Variants in CALN1 observed in about 807,000 individuals in gnomAD.
CALN1 encodes calcium-binding protein 8.
A neutral mutation model predicts 30.6 loss-of-function variants in CALN1; 17 were observed. That is an observed-to-expected ratio of 0.56 (90% CI 0.38 to 0.83). The LOEUF (loss-of-function observed/expected upper bound fraction) is 0.83, where lower values mean the gene tolerates loss of function less well. CALN1 is among the 40% of genes least tolerant of loss of function. CALN1 has a pLI of 0.00. For missense variants in CALN1, 291 were observed against 354.9 expected (o/e 0.82, Z 1.45); for synonymous variants, 156 against 131.4 (o/e 1.19, Z -1.28).
At chr7:72,293,465 CCTCT>C (rs540365858) in intron 2 of CALN1, among the ~76,000 whole-genome samples, 1 of 152,202 alleles carries the variant, frequency 6.6e-6, no homozygotes, top group Non-Finnish European at 1.5e-5. Flanking sequence ...AATACCCCAG[CCTCT>C]CTCTTTTTCC....
intron 5 of CALN1, among the ~76,000 whole-genome samples, chr7:71,926,211 A>G (rs67522636): frequency 0.19 from 28,668 of 152,048 alleles, 2,899 homozygotes; most frequent in Non-Finnish European, 0.23. Context: ...ACACAGCTCC[A>G]TGTGTCCCCG....
intron 2 of CALN1, chr7:72,337,138 C>T (rs1802118141): frequency 2.0e-6 from 2 of 985,780 alleles, no homozygotes; most frequent in South Asian, 4.7e-5. Flanking sequence ...CGAGGCCCCG[C>T]TGGAGTTGCG....
At chr7:72,421,853 C>T (rs1470643347) in intron 1 of CALN1, among the ~76,000 whole-genome samples, 1 of 151,990 alleles carries the variant, frequency 6.6e-6, no homozygotes, top group African/African-American at 2.4e-5. Context: ...CTCCCAATAT[C>T]CCACTTATTA....
chr7:72,233,434 G>T (rs1794252473), intron 3 of CALN1, among the ~76,000 whole-genome samples: 1 of 152,120 alleles, frequency 6.6e-6, no homozygotes, highest in East Asian at 1.9e-4. Flanking sequence ...GAGAGAAAAA[G>T]GCTGGGTACA....
chr7:72,329,815 G>A (rs1223486775), intron 2 of CALN1, among the ~76,000 whole-genome samples: 5 of 151,980 alleles, frequency 3.3e-5, no homozygotes, highest in South Asian at 4.1e-4. Context: ...TTAGCTGGGC[G>A]TGGTGCCACG....
intron 2 of CALN1, among the ~76,000 whole-genome samples, chr7:72,323,013 G>A (rs1290309719): frequency 1.3e-5 from 2 of 150,702 alleles, no homozygotes; most frequent in African/African-American, 4.9e-5. Flanking sequence ...GGGGAGGGGA[G>A]GGGAAGGCAC....
intron 5 of CALN1, among the ~76,000 whole-genome samples, chr7:71,886,153 G>T (rs1792889391): frequency 6.6e-6 from 1 of 152,376 alleles, no homozygotes; most frequent in African/African-American, 2.4e-5. Context: ...AGTTTTCTCT[G>T]CTTTGAAAGG....
intron 3 of CALN1, among the ~76,000 whole-genome samples, chr7:72,118,507 A>G (rs902036256): frequency 1.4e-4 from 21 of 152,216 alleles, no homozygotes; most frequent in African/African-American, 4.8e-4. Context: ...TCTGTCCCCA[A>G]ACGTTACACC....
chr7:72,238,144 A>G (rs1420238016), intron 3 of CALN1, among the ~76,000 whole-genome samples: 1 of 152,220 alleles, frequency 6.6e-6, no homozygotes, highest in Non-Finnish European at 1.5e-5. Flanking sequence ...AAACATTGCA[A>G]TTGTTGCTCA....
At chr7:72,327,154 T>A (rs1293397994) in intron 2 of CALN1, among the ~76,000 whole-genome samples, 1 of 152,176 alleles carries the variant, frequency 6.6e-6, no homozygotes, top group Non-Finnish European at 1.5e-5. Context: ...ACTTGGGCTT[T>A]ATGTGAACAT....
intron 2 of CALN1, among the ~76,000 whole-genome samples, chr7:72,372,571 A>C (rs957612935): frequency 6.6e-6 from 1 of 152,196 alleles, no homozygotes; most frequent in Non-Finnish European, 1.5e-5. Context: ...ATTCAATCCT[A>C]ATCAATCTAT....
chr7:72,174,308 T>G (rs1295016305), intron 3 of CALN1, among the ~76,000 whole-genome samples: 1 of 152,132 alleles, frequency 6.6e-6, no homozygotes, highest in African/African-American at 2.4e-5. Context: ...TACAACTACT[T>G]TGAAACACAG....
At chr7:72,136,829 A>G (rs1184413728) in intron 3 of CALN1, among the ~76,000 whole-genome samples, 1 of 152,228 alleles carries the variant, frequency 6.6e-6, no homozygotes, top group Non-Finnish European at 1.5e-5. Flanking sequence ...CAGATAGGGA[A>G]GGGCTGGTTG....
chr7:72,497,354 C>T, the CALN1 span, among the ~76,000 whole-genome samples: 7 of 152,080 alleles, frequency 4.6e-5, no homozygotes, highest in Admixed American at 6.5e-5. Flanking sequence ...GCAGGAGAAT[C>T]GCTTGAACCT....
intron 1 of CALN1, among the ~76,000 whole-genome samples, chr7:72,419,218 T>C (rs757960092): frequency 1.3e-5 from 2 of 152,142 alleles, no homozygotes; most frequent in Admixed American, 6.5e-5. Flanking sequence ...CAAAATTCCG[T>C]GTTGCACATG....
chr7:72,149,582 G>C (rs1787058959), intron 3 of CALN1, among the ~76,000 whole-genome samples: 1 of 152,034 alleles, frequency 6.6e-6, no homozygotes, highest in Non-Finnish European at 1.5e-5. Flanking sequence ...ACCCTGATTA[G>C]CTCACCTTTC....
chr7:72,373,592 A>G lies in CALN1; in HGVS notation c.119+29659T>C, dbSNP rs78012691. On this transcript the variant is annotated intron_variant, in intron 2 of 6. Transcript: ENST00000395275. ...AGGTGATTTTTCCCAACTATAGGCT[A>G]ATATAAGTTTTCTGAAGATATTTTA... 2.6e-5 allele frequency among the ~76,000 whole-genome samples: 4 copies of G among 152,338 alleles called. No homozygotes were observed. In the East Asian group the frequency reaches 7.7e-4, roughly 29 times the overall value.
chr7:71,973,395 C>T (rs35305736), intron 5 of CALN1, among the ~76,000 whole-genome samples: 19,662 of 152,122 alleles, frequency 0.13, 1,652 homozygotes, highest in East Asian at 0.37. Flanking sequence ...AGGCTGGTCT[C>T]AAACTCCTGA....
In CALN1 at chr7:71,986,400, A is replaced by T. The variant is rs140607615; in HGVS notation, c.501+37257T>A. On this transcript the variant is annotated intron_variant, in intron 5 of 6. Coordinates refer to ENST00000395275, the MANE Select transcript of CALN1 (RefSeq NM_031468.4). ...TTAAAAAGCATCTTGATGCTTAAAA[A>T]TATAAACCCAGCTCATTGCAGTCTT... Among the ~76,000 whole-genome samples, 4 of 152,350 alleles carry T rather than the reference A, an allele frequency of 2.6e-5. No homozygotes were observed. In the East Asian group the frequency reaches 7.7e-4, roughly 29 times the overall value.
Sources: gnomAD v4.1 joint callset for allele counts (sites outside exome capture counted in the v4.1 genomes callset) on GRCh38, gnomAD v4.1.1 for gene constraint, MANE v1.5 for transcripts, NCBI Gene and HGNC (gene_info 2026-07-23, HGNC 2026-07-21) for gene names.